The following C1GALT1 variants were observed in gnomAD, a reference collection of about 807,000 sequenced individuals.
C1GALT1 encodes the protein core 1 synthase, glycoprotein-N-acetylgalactosamine 3-beta-galactosyltransferase 1.
Under a neutral mutation model 31.0 loss-of-function variants are expected in C1GALT1, and 11 were observed. That is an observed-to-expected ratio of 0.36 (90% CI 0.22 to 0.59). C1GALT1 has a LOEUF of 0.59. C1GALT1 is among the 20% of genes least tolerant of loss of function. The pLI is 0.79. For missense variants in C1GALT1, 424 were observed against 425.2 expected, an observed-to-expected ratio of 1.00 and a Z score of 0.03; for synonymous variants, 175 against 143.6, an observed-to-expected ratio of 1.22 and a Z score of -1.56.
rs1783868119 is a variant in C1GALT1, at chr7:7,246,858, G to A, written c.*3131G>A. ...AAAAAGCATGTTTTAAATCAGTGTA[G>A]TCCAGGATCACACTATATTAAATAT... On this transcript the variant is annotated 3_prime_UTR_variant, in exon 4 of 4. Transcript: ENST00000436587. 1 of 152,122 alleles carries A rather than the reference G, an allele frequency of 6.6e-6. No individual in the cohort carries two copies. The highest frequency in any genetic ancestry group is 1.5e-5 in the Non-Finnish European group (1 of 68,036). The allele number at this position is 152,122 out of a possible 1,614,324, so 9.4% of individuals were successfully genotyped here.
At chr7:7,207,522 A>G (rs1397853868) in intron 1 of C1GALT1, among the ~76,000 whole-genome samples, 4 of 149,108 alleles carry the variant, frequency 2.7e-5, no homozygotes, top group African/African-American at 4.9e-5. Flanking sequence ...TTCATACATC[A>G]TTTTCTTAAC....
intron 2 of C1GALT1, among the ~76,000 whole-genome samples, chr7:7,170,201 G>T (rs1286275984): frequency 1.3e-5 from 2 of 152,074 alleles, no homozygotes; most frequent in Non-Finnish European, 2.9e-5. Flanking sequence ...TTAGCTAAAG[G>T]TTTGTCAATT....
intron 2 of C1GALT1, among the ~76,000 whole-genome samples, chr7:7,159,695 A>C (rs1780313622): frequency 1.3e-5 from 2 of 152,294 alleles, no homozygotes; most frequent in East Asian, 1.9e-4. Context: ...TTTTACACGT[A>C]GATTTTCTTT....
chr7:7,209,650 A>G (rs767910950), intron 1 of C1GALT1: 4 of 152,274 alleles, frequency 2.6e-5, no homozygotes, highest in Non-Finnish European at 5.9e-5. Flanking sequence ...TCGTGGAGAA[A>G]GAATATTGGA....
At chr7:7,168,523 G>A (rs1780421137) in intron 2 of C1GALT1, among the ~76,000 whole-genome samples, 1 of 152,236 alleles carries the variant, frequency 6.6e-6, no homozygotes, top group Admixed American at 6.5e-5. Context: ...AAACCTAATA[G>A]GTATAGCAGA....
At chr7:7,180,253 A>G (rs1177444508), upstream of C1GALT1, among the ~76,000 whole-genome samples, 4 of 152,244 alleles carry the variant, frequency 2.6e-5, no homozygotes, top group African/African-American at 9.6e-5. Context: ...TATATTTTTC[A>G]AAGTAACCAC....
In C1GALT1 at chr7:7,224,258, G is replaced by GTTTTTTTTGGT. The variant is rs897983005; in HGVS notation, c.-17-10036_-17-10026dup. ...TTTCTGAGAAGGGTAGTAGTCTGTA[G>GTTTTTTTTGGT]TTTTTTTTGGTTTTTTTTTTGTACT... On this transcript the variant is annotated intron_variant, in intron 1 of 3. Transcript: ENST00000436587. Among the ~76,000 whole-genome samples, 60 of 149,214 alleles carry GTTTTTTTTGGT rather than the reference G, an allele frequency of 4.0e-4. 1 individual carries two copies. The highest frequency in any genetic ancestry group is 6.9e-3 in the Middle Eastern group (2 of 288).
upstream of C1GALT1, among the ~76,000 whole-genome samples, chr7:7,179,395 A>C (rs1405234845): frequency 6.6e-6 from 1 of 152,236 alleles, no homozygotes. Context: ...AATAAAATTT[A>C]ATACACGAAA....
At chr7:7,196,076 A>C (rs562940325) in intron 1 of C1GALT1, among the ~76,000 whole-genome samples, 124 of 152,030 alleles carry the variant, frequency 8.2e-4, no homozygotes, top group Non-Finnish European at 1.5e-3. Flanking sequence ...TTTATTTTTT[A>C]TTATACTTCA....
At chr7:7,227,637 G>A (rs900071231) in intron 1 of C1GALT1, among the ~76,000 whole-genome samples, 6 of 150,596 alleles carry the variant, frequency 4.0e-5, no homozygotes, top group Non-Finnish European at 7.4e-5. Context: ...GGAGAATGGC[G>A]TGAACCCGGG....
upstream of C1GALT1, among the ~76,000 whole-genome samples, chr7:7,180,245 T>C (rs959007448): frequency 1.6e-4 from 25 of 152,252 alleles, no homozygotes; most frequent in African/African-American, 6.0e-4. Context: ...ATATAAAGTA[T>C]ATTTTTCAAA....
intron 1 of C1GALT1, among the ~76,000 whole-genome samples, chr7:7,219,403 G>A (rs2108787): frequency 0.41 from 62,057 of 149,948 alleles, 13,211 homozygotes; most frequent in East Asian, 0.56. Flanking sequence ...ACCCTCTGGT[G>A]AGGAATGTTG....
chr7:7,183,461 T>C (rs953528563), intron 1 of C1GALT1: 21 of 312,230 alleles, frequency 6.7e-5, no homozygotes, highest in Non-Finnish European at 8.4e-5. Flanking sequence ...TACGTGTGTG[T>C]TGGGGCATTC....
chr7:7,197,119 G>A (rs1484880043), intron 1 of C1GALT1, among the ~76,000 whole-genome samples: 1 of 152,194 alleles, frequency 6.6e-6, no homozygotes, highest in African/African-American at 2.4e-5. Flanking sequence ...CCTTGCCCAT[G>A]CCTATGGCCT....
At chr7:7,161,041 C>T (rs1427582252) in intron 2 of C1GALT1, among the ~76,000 whole-genome samples, 1 of 152,048 alleles carries the variant, frequency 6.6e-6, no homozygotes, top group Non-Finnish European at 1.5e-5. Flanking sequence ...ATAATGACTA[C>T]TTGTGTAGTC....
At chr7:7,223,756 TTTTA>T (rs1299995374) in intron 1 of C1GALT1, among the ~76,000 whole-genome samples, 17 of 152,166 alleles carry the variant, frequency 1.1e-4, no homozygotes, top group Admixed American at 2.6e-4. Context: ...TCATTCTCTT[TTTTA>T]TTTTTCTCCT....
chr7:7,175,751 T>C (rs1780498976), intron 2 of C1GALT1, among the ~76,000 whole-genome samples: 1 of 152,124 alleles, frequency 6.6e-6, no homozygotes, highest in South Asian at 2.1e-4. Flanking sequence ...TTTCACACTT[T>C]TGGAGGCTAG....
At chr7:7,186,043 G>A (rs571513529) in intron 1 of C1GALT1, among the ~76,000 whole-genome samples, 3 of 120,964 alleles carry the variant, frequency 2.5e-5, no homozygotes, top group African/African-American at 1.1e-4. Flanking sequence ...GGTTCAGGGG[G>A]CCACATCTGG....
At chr7:7,232,906 T>C (rs1402500833) in intron 1 of C1GALT1, among the ~76,000 whole-genome samples, 1 of 152,190 alleles carries the variant, frequency 6.6e-6, no homozygotes, top group Admixed American at 6.5e-5. Context: ...TTCTCTTTCC[T>C]CATCTGCAGA....
Sources: allele counts gnomAD v4.1 joint callset (sites outside exome capture counted in the v4.1 genomes callset), GRCh38; gene constraint gnomAD v4.1.1; transcripts MANE v1.5; gene names NCBI Gene and HGNC (gene_info 2026-07-23, HGNC 2026-07-21).